The following PSME4 variants were observed in gnomAD, a reference collection of about 807,000 sequenced individuals.
PSME4 encodes the protein proteasome activator complex subunit 4.
Under a neutral mutation model 253.9 loss-of-function variants are expected in PSME4, and 89 were observed. The ratio of observed to expected loss-of-function variants is 0.35; its 90% CI spans 0.30 to 0.42. The LOEUF (loss-of-function observed/expected upper bound fraction) is 0.42. PSME4 is among the 10% of genes least tolerant of loss of function. PSME4 has a pLI of 1.00. For missense variants in PSME4, 2,014 were observed against 2,195.2 expected (o/e 0.92, Z 1.65); for synonymous variants, 851 against 759.2 (o/e 1.12, Z -1.99).
At position 53,887,239 on chromosome 2, in the gene PSME4, T is replaced by C; in HGVS notation, c.4729+20A>G. On this transcript the variant is annotated intron_variant, in intron 40 of 46. Coordinates refer to ENST00000404125, the MANE Select transcript of PSME4 (RefSeq NM_014614.3). ...AAATAGATGTTTTCAACTGAGTTTC[T>C]ACTAATTTTATCCACTCACTGGTTT... 1 of 1,586,586 alleles carries C rather than the reference T, an allele frequency of 6.3e-7. No homozygotes were observed. The highest frequency in any genetic ancestry group is 8.7e-7 in the Non-Finnish European group (1 of 1,155,374).
intron 41 of PSME4, among the ~76,000 whole-genome samples, chr2:53,881,264 A>G (rs938488655): frequency 1.4e-4 from 22 of 152,210 alleles, no homozygotes; most frequent in African/African-American, 5.1e-4. Flanking sequence ...ACTGTATCCA[A>G]TGTACCACAA....
In PSME4 at chr2:53,970,538, C is replaced by G; in HGVS notation, c.242+5G>C. ...GGCCCGGCCCGCAGGCCCGGGCACA[C>G]TTACGTGGAGAGTTTCCTGGTCCAG... On this transcript the variant is annotated splice_donor_5th_base_variant and intron_variant, in intron 1 of 46. Coordinates refer to ENST00000404125, the MANE Select transcript of PSME4 (RefSeq NM_014614.3). 1 of 1,547,924 alleles carries G rather than the reference C, an allele frequency of 6.5e-7. No individual in the cohort carries two copies. Among genetic ancestry groups the G allele is most frequent in the Non-Finnish European group, 8.7e-7 (1 of 1,146,812 alleles).
chr2:53,887,029 C>G (rs983383277), intron 40 of PSME4, among the ~76,000 whole-genome samples: 4 of 152,078 alleles, frequency 2.6e-5, no homozygotes, highest in African/African-American at 9.7e-5. Context: ...TTAAAGGGTA[C>G]AAAGTTTCAG....
chr2:53,940,952 CATAT>C (rs1169212491), intron 3 of PSME4, among the ~76,000 whole-genome samples: 46 of 23,994 alleles, frequency 1.9e-3, no homozygotes, highest in African/African-American at 6.7e-3. Context: ...TATATATATA[CATAT>C]ATATATATAT....
rs1669415044 is a variant in PSME4, at chr2:53,940,974, T to TATATATATATACATATTTAA, written c.501-975_501-974insTTAAATATGTATATATATAT. Among the ~76,000 whole-genome samples, 3 of 62,632 alleles carry TATATATATATACATATTTAA rather than the reference T, an allele frequency of 4.8e-5. No individual in the cohort carries two copies. The South Asian group carries it at 1.9e-3, about 40-fold the overall frequency. The allele number at this position is 62,632 out of a possible 152,430, so 41.1% of individuals were successfully genotyped here. ...ATACATATATATATATATATATATA[T>TATATATATATACATATTTAA]ATATATATATATATATATATATATA... On this transcript the variant is annotated intron_variant, in intron 3 of 46. Coordinates refer to ENST00000404125, the MANE Select transcript of PSME4 (RefSeq NM_014614.3).
chr2:53,924,530 T>C (rs1198998237), intron 14 of PSME4, among the ~76,000 whole-genome samples: 1 of 152,226 alleles, frequency 6.6e-6, no homozygotes, highest in Non-Finnish European at 1.5e-5. Flanking sequence ...AGTCTTAGGA[T>C]TTAATTTCTA....
chr2:53,946,569 T>G (rs718872), intron 3 of PSME4, among the ~76,000 whole-genome samples: 1 of 151,988 alleles, frequency 6.6e-6, no homozygotes, highest in Non-Finnish European at 1.5e-5. Flanking sequence ...ATATTTACAA[T>G]CAAAGCTTTT....
In PSME4 at chr2:53,895,055, A is replaced by G. The variant is rs759877945; in HGVS notation, c.3864T>C (p.Gly1288=). 10 of 1,612,284 alleles carry G rather than the reference A, an allele frequency of 6.2e-6. No individual in the cohort carries two copies. Among genetic ancestry groups the G allele is most frequent in the Non-Finnish European group, 8.5e-6 (10 of 1,179,616 alleles). ...TWPKNMVVYA[G]VEEQPKLGRS... is the part of the protein sequence containing the mutation. Reference sequence around the variant, plus strand: ...TGCCAAGCTTAGGCTGCTCTTCCACACCAGCATAAACAACCATATTCCTAT... The same window carrying G: ...TGCCAAGCTTAGGCTGCTCTTCCACGCCAGCATAAACAACCATATTCCTAT... The change falls in exon 34 of 47, where the codon GGT becomes GGC. Residue 1288 remains glycine, a synonymous_variant. Coordinates refer to ENST00000404125, the MANE Select transcript of PSME4 (RefSeq NM_014614.3).
chr2:53,944,876 T>G (rs1413586745), intron 3 of PSME4, among the ~76,000 whole-genome samples: 1 of 151,574 alleles, frequency 6.6e-6, no homozygotes, highest in Non-Finnish European at 1.5e-5. Context: ...ACCAGAAAAA[T>G]AAAATATCAA....
intron 1 of PSME4, among the ~76,000 whole-genome samples, chr2:53,949,920 G>A (rs549996777): frequency 1.3e-5 from 2 of 152,150 alleles, no homozygotes; most frequent in African/African-American, 4.8e-5. Context: ...GTCTTTGATG[G>A]TTAACTATTT....
chr2:53,953,992 C>A (rs1378441524), intron 1 of PSME4, among the ~76,000 whole-genome samples: 1 of 152,194 alleles, frequency 6.6e-6, no homozygotes. Context: ...TCCTCACAGC[C>A]CTACAGTGTA....
rs753865162 is a variant in PSME4 at position 53,923,108 on chromosome 2, T to G, written c.1919A>C (p.Glu640Ala). The G allele has an allele frequency of 1.2e-6, 2 of 1,607,034 alleles. No homozygotes were observed. Among genetic ancestry groups the G allele is most frequent in the African/African-American group, 2.7e-5 (2 of 74,722 alleles). Residue 640 changes from glutamate to alanine, a missense_variant, in exon 16 of 47, where the codon GAA (glutamate) becomes GCA (alanine). Physicochemically the swap from Glu to Ala is moderately radical, Grantham distance 107. Around this residue, in one of 4 missense-constraint regions of PSME4, gnomAD observed 989 missense variants for 1,021.1 expected, o/e 0.97. Transcript: ENST00000404125. ...MCRAAVKCCPEESLKLFVPHC... is the reference protein window; with the variant it reads ...MCRAAVKCCPAESLKLFVPHC... Reference sequence around the variant, plus strand: ...GGGAACAAAGAGCTTCAAAGATTCTTCTGGGCAGCACTGAAAATGTATTTG... The same window carrying G: ...GGGAACAAAGAGCTTCAAAGATTCTGCTGGGCAGCACTGAAAATGTATTTG...
intron 8 of PSME4, among the ~76,000 whole-genome samples, chr2:53,933,580 C>G (rs1668960869): frequency 6.6e-6 from 1 of 152,096 alleles, no homozygotes; most frequent in Non-Finnish European, 1.5e-5. Flanking sequence ...CAGGGTCTCG[C>G]CATGTGGCCC....
chr2:53,948,768 G>T (rs805446), intron 2 of PSME4, among the ~76,000 whole-genome samples: 1 of 151,986 alleles, frequency 6.6e-6, no homozygotes, highest in East Asian at 1.9e-4. Flanking sequence ...ATTTAAATTT[G>T]TGTCGCCATT....
At chr2:53,911,779 T>A (rs1558676099) in intron 20 of PSME4, among the ~76,000 whole-genome samples, 2 of 152,210 alleles carry the variant, frequency 1.3e-5, no homozygotes, top group Non-Finnish European at 2.9e-5. Flanking sequence ...GTCACTTTAG[T>A]TACTGTCATA....
At chr2:53,937,614 C>T (rs775611850) in intron 4 of PSME4, 74 bp from the exon 5 acceptor site, 131 of 1,401,608 alleles carry the variant, frequency 9.3e-5, no homozygotes, top group Non-Finnish European at 1.2e-4. Flanking sequence ...ATATAACTGA[C>T]CAAAAGGCTG....
intron 20 of PSME4, among the ~76,000 whole-genome samples, chr2:53,913,105 C>A (rs1013128226): frequency 6.6e-6 from 1 of 152,090 alleles, no homozygotes; most frequent in Admixed American, 6.6e-5. Context: ...ACCTAAGGAA[C>A]AATACAATTC....
chr2:53,940,998 T>TATGA lies in PSME4; in HGVS notation c.501-1002_501-999dup, dbSNP rs1553338493. On this transcript the variant is annotated intron_variant, in intron 3 of 46. Coordinates refer to ENST00000404125, the MANE Select transcript of PSME4 (RefSeq NM_014614.3). ...ATATATATATATATATATATATATA[T>TATGA]ATGAAAGGAGTAAGTTTCAGGCAAT... 2.2e-3 allele frequency among the ~76,000 whole-genome samples: 189 copies of TATGA among 85,894 alleles called. 21 individuals carry two copies. Among genetic ancestry groups the TATGA allele is most frequent in the Middle Eastern group, 0.012 (2 of 168 alleles). 56.3% of individuals were successfully genotyped at this position (85,894 alleles called of 152,430 possible).
chr2:53,886,026 G>C (rs562543870), intron 40 of PSME4, among the ~76,000 whole-genome samples: 2 of 152,110 alleles, frequency 1.3e-5, no homozygotes, highest in Non-Finnish European at 2.9e-5. Context: ...CCACAGAATA[G>C]GAGAAAATAT....
Sources: gnomAD v4.1 joint callset for allele counts (sites outside exome capture counted in the v4.1 genomes callset) on GRCh38, gnomAD v4.1.1 for gene constraint, gnomAD v4.1.1 regional missense constraint, MANE v1.5 for transcripts, NCBI Gene and HGNC (gene_info 2026-07-23, HGNC 2026-07-21) for gene names.